Variants in SYDE2 observed in about 807,000 individuals in gnomAD.
SYDE2 encodes the protein rho GTPase-activating protein SYDE2.
A neutral mutation model predicts 91.5 loss-of-function variants in SYDE2; 76 were observed. The observed-to-expected ratio is 0.83, with a 90% CI of 0.69 to 1.01. SYDE2 has a LOEUF of 1.01. Ranked by LOEUF, SYDE2 falls within the 50% of genes least tolerant of loss-of-function variation. The probability of loss-of-function intolerance (pLI) is 0.00; values close to 1 mark genes in which losing one functional copy is unlikely to be tolerated. For missense variants in SYDE2, 1,364 were observed against 1,367.7 expected (o/e 1.00, Z 0.04); for synonymous variants, 513 against 506.4 (o/e 1.01, Z -0.18).
At chr1:85,194,512 T>TACAC (rs199960028) in intron 1 of SYDE2, among the ~76,000 whole-genome samples, 1 of 148,758 alleles carries the variant, frequency 6.7e-6, no homozygotes, top group African/African-American at 2.4e-5. Context: ...ATGTTATATA[T>TACAC]ACACACACAC....
At chr1:85,171,519 A>G (rs1657505585) in intron 4 of SYDE2, among the ~76,000 whole-genome samples, 1 of 152,160 alleles carries the variant, frequency 6.6e-6, no homozygotes, top group Admixed American at 6.5e-5. Context: ...ATAGTGTTAA[A>G]TATTGCAGAG....
At chr1:85,153,730 T>C (rs888692727), downstream of SYDE2, 2 of 152,178 alleles carry the variant, frequency 1.3e-5, no homozygotes, top group African/African-American at 4.8e-5. Flanking sequence ...TGGCCTTGAT[T>C]GCTGTCATTC....
At chr1:85,162,082 C>G (rs1174020523) in intron 6 of SYDE2, among the ~76,000 whole-genome samples, 1 of 152,058 alleles carries the variant, frequency 6.6e-6, no homozygotes, top group African/African-American at 2.4e-5. Context: ...CGCTGAAGTT[C>G]TAACCAATTA....
intron 1 of SYDE2, among the ~76,000 whole-genome samples, chr1:85,194,110 GAATT>G (rs1403562552): frequency 6.6e-6 from 1 of 151,416 alleles, no homozygotes; most frequent in Non-Finnish European, 1.5e-5. Context: ...TTATTAAACT[GAATT>G]AATCAACACA....
intron 4 of SYDE2, among the ~76,000 whole-genome samples, chr1:85,170,024 AAC>A (rs1053327720): frequency 2.0e-5 from 3 of 152,092 alleles, no homozygotes; most frequent in Non-Finnish European, 4.4e-5. Context: ...CTAACACCAA[AAC>A]CTAAATATAT....
rs1483179900 is a variant in SYDE2 at position 85,182,967 on chromosome 1, G to A, written c.1675C>T (p.Pro559Ser). ...LNYINSPDNT[P>S]SLSKYNCREV... The stretch of plus-strand genomic sequence containing the variant: ...CGGCAGTTATATTTAGACAAAGAAG[G>A]AGTATTATCTGGACTGTTTATATAA... Residue 559 changes from proline to serine, a missense_variant, in exon 3 of 7, where the codon CCT (proline) becomes TCT (serine). Pro to Ser is a moderately conservative substitution (Grantham distance 74). Transcript: ENST00000341460. 1.4e-5 allele frequency: 22 copies of A among 1,613,794 alleles called. No individual in the cohort carries two copies. Among genetic ancestry groups the A allele is most frequent in the Non-Finnish European group, 1.9e-5 (22 of 1,179,748 alleles).
In SYDE2 at chr1:85,200,985, C is replaced by G. The variant is rs1482249740; in HGVS notation, c.12G>C (p.Leu4=). ...CCCGCCGCGCGCCCGAGTCAGGGGGCAGGTCGTGCATGGCCTGGATCAGCA... is the reference window on the plus strand; with the variant it reads ...CCCGCCGCGCGCCCGAGTCAGGGGGGAGGTCGTGCATGGCCTGGATCAGCA... MHD[L]PPDSGARRGG... Residue 4 remains leucine (L), a synonymous_variant, in exon 1 of 7, where the codon CTG becomes CTC. Coordinates refer to ENST00000341460, the MANE Select transcript of SYDE2 (RefSeq NM_032184.2). The G allele has an allele frequency of 7.7e-7, 1 of 1,306,020 alleles. No individual in the cohort carries two copies. The highest frequency in any genetic ancestry group is 2.9e-5 in the East Asian group (1 of 33,904). The allele number at this position is 1,306,020 out of a possible 1,614,324, so 80.9% of individuals were successfully genotyped here. A position where few individuals can be genotyped will look rare whatever the true frequency, so the allele number is the denominator to read the frequency against.
At position 85,160,708 on chromosome 1, in the gene SYDE2, T is replaced by C. The variant is rs958837223; in HGVS notation, c.3086-1459A>G. The C allele has an allele frequency of 5.1e-6, 5 of 985,330 alleles. No homozygotes were observed. The African/African-American group carries it at 7.0e-5, about 14-fold the overall frequency. 61.0% of individuals were successfully genotyped at this position (985,330 alleles called of 1,614,324 possible). A position where few individuals can be genotyped will look rare whatever the true frequency, so the allele number is the denominator to read the frequency against. ...TTTTCTTTTTAGTGCTTAACTGTCA[T>C]GCCTGTTGTTTTCACCAACCAATTA... On this transcript the variant is annotated intron_variant, in intron 6 of 6. Transcript: ENST00000341460.
chr1:85,198,706 T>C (rs990610846), intron 1 of SYDE2, among the ~76,000 whole-genome samples: 4 of 152,180 alleles, frequency 2.6e-5, no homozygotes, highest in Admixed American at 2.6e-4. Flanking sequence ...AGCCATCACA[T>C]GGTAAGTGTT....
In SYDE2 at chr1:85,200,262, A is replaced by G; in HGVS notation, c.735T>C (p.Ile245=). 1 of 1,613,890 alleles carries G rather than the reference A, an allele frequency of 6.2e-7. No individual in the cohort carries two copies. The highest frequency in any genetic ancestry group is 1.1e-5 in the South Asian group (1 of 91,082). The change falls in exon 1 of 7, where the codon ATT becomes ATC. Residue 245 remains isoleucine (I), a synonymous_variant. Transcript: ENST00000341460. ...CGCAAAGTATCCTACCTGTCAGCGT[A>G]ATTCTTTGGTCTGGAGGCACCGACA... ...RVLSVPPDQR[I]TLTDLFENAY...
intron 5 of SYDE2, among the ~76,000 whole-genome samples, chr1:85,166,235 G>A (rs1032745943): frequency 2.6e-5 from 4 of 151,734 alleles, no homozygotes; most frequent in Non-Finnish European, 5.9e-5. Context: ...AGCTACTCAG[G>A]AAGCTGAGGC....
chr1:85,195,002 T>C (rs1195206328), intron 1 of SYDE2: 1 of 190,142 alleles, frequency 5.3e-6, no homozygotes, highest in Non-Finnish European at 9.7e-6. Context: ...CTACTAAAAA[T>C]CCAAAAAATT....
At chr1:85,181,144 T>G (rs1657903212) in intron 3 of SYDE2, 2 of 20,410 alleles carry the variant, frequency 9.8e-5, no homozygotes, top group African/African-American at 2.4e-4. Flanking sequence ...ACTCCATTTT[T>G]TTTTTTTTTT....
chr1:85,196,609 A>G (rs1383442833), intron 1 of SYDE2, among the ~76,000 whole-genome samples: 1 of 151,920 alleles, frequency 6.6e-6, no homozygotes, highest in Admixed American at 6.6e-5. Context: ...AGAAAAAGAA[A>G]AAAAAAAAAA....
At chr1:85,171,811 T>A (rs1657517241) in intron 4 of SYDE2, among the ~76,000 whole-genome samples, 1 of 152,048 alleles carries the variant, frequency 6.6e-6, no homozygotes. Flanking sequence ...GAACTCAAGT[T>A]GCAGTTGGTT....
At chr1:85,161,440 T>C (rs1160464487) in intron 6 of SYDE2, among the ~76,000 whole-genome samples, 1 of 152,146 alleles carries the variant, frequency 6.6e-6, no homozygotes, top group East Asian at 1.9e-4. Flanking sequence ...GAAAATGTGG[T>C]ATAGTGGCCA....
chr1:85,156,317 C>T (rs1282232845), downstream of SYDE2, among the ~76,000 whole-genome samples: 1 of 150,714 alleles, frequency 6.6e-6, no homozygotes, highest in African/African-American at 2.4e-5. Flanking sequence ...GAGGCTGAGG[C>T]GGGTGGATCG....
intron 6 of SYDE2, among the ~76,000 whole-genome samples, chr1:85,161,416 A>G (rs17122364): frequency 0.18 from 27,299 of 152,162 alleles, 2,544 homozygotes; most frequent in East Asian, 0.28. Flanking sequence ...CTTGCCCCAA[A>G]TATATTTATC....
chr1:85,159,179 C>G lies in SYDE2; in HGVS notation c.3156G>C (p.Leu1052=), dbSNP rs781202285. 1 of 780,736 alleles carries G rather than the reference C, an allele frequency of 1.3e-6. No homozygotes were observed. Among genetic ancestry groups the G allele is most frequent in the South Asian group, 1.3e-5 (1 of 74,580 alleles). The allele number at this position is 780,736 out of a possible 1,614,324, so 48.4% of individuals were successfully genotyped here. ...TATGAGGTCGTTCTTTCTTCTGCCT[C>G]AGATAATTCAGAGAAGACTTCTGCT... ...FPEQKSSLNY[L]RQKKERPHML... is the part of the protein sequence containing the mutation. The change falls in exon 7 of 7, where the codon CTG becomes CTC. Residue 1052 remains leucine, a synonymous_variant. Transcript: ENST00000341460.
Sources: allele counts gnomAD v4.1 joint callset (sites outside exome capture counted in the v4.1 genomes callset), GRCh38; gene constraint gnomAD v4.1.1; transcripts MANE v1.5; gene names NCBI Gene and HGNC (gene_info 2026-07-23, HGNC 2026-07-21).